GAREM2: variants seen among roughly 807,000 people sequenced by gnomAD.
The protein encoded by GAREM2 is GRB2-associated and regulator of MAPK protein 2.
In GAREM2, 30 loss-of-function variants were observed where a neutral mutation model predicts 55.6. The ratio of observed to expected loss-of-function variants is 0.54; its 90% CI spans 0.40 to 0.73. The LOEUF (loss-of-function observed/expected upper bound fraction) is 0.73, where lower values mean the gene tolerates loss of function less well. GAREM2 is among the 30% of genes least tolerant of loss of function. GAREM2 has a pLI of 0.00. For missense variants in GAREM2, 1,075 were observed against 1,257.7 expected, an observed-to-expected ratio of 0.85 and a Z score of 2.20; for synonymous variants, 550 against 569.1, an observed-to-expected ratio of 0.97 and a Z score of 0.48.
chr2:26,187,930 G>GGC lies in GAREM2; in HGVS notation c.2300_2301dup (p.Gly768ArgfsTer7), dbSNP rs1449369329. The GGC allele has an allele frequency of 6.9e-7, 1 of 1,451,762 alleles. No individual in the cohort carries two copies. The highest frequency in any genetic ancestry group is 9.1e-7 in the Non-Finnish European group (1 of 1,098,000). The allele number at this position is 1,451,762 out of a possible 1,614,324, so 89.9% of individuals were successfully genotyped here. ...CACCAGCTGCTCTGCAGGGACCCGA[G>GGC]GCGGGAGGAGCACTTTTTCTAACCC... On this transcript the variant is annotated frameshift_variant, in exon 6 of 6. Transcript: ENST00000401533. LOFTEE classifies it high-confidence loss of function.
downstream of GAREM2, chr2:26,193,707 G>T: frequency 6.2e-7 from 1 of 1,614,070 alleles, no homozygotes; most frequent in Non-Finnish European, 8.5e-7. Flanking sequence ...CCACCAGTGT[G>T]GCGGCACCCA....
chr2:26,176,104 C>T (rs1668856419), intron 1 of GAREM2, among the ~76,000 whole-genome samples: 1 of 152,188 alleles, frequency 6.6e-6, no homozygotes, highest in Non-Finnish European at 1.5e-5. Context: ...ATTCCAGCCA[C>T]TGATGAACGA....
At chr2:26,182,524 C>G (rs973957330) in intron 2 of GAREM2, 10 of 1,533,228 alleles carry the variant, frequency 6.5e-6, no homozygotes, top group Non-Finnish European at 8.8e-6. Context: ...TCCCTACCCC[C>G]TCAGATGAGG....
the GAREM2 span, chr2:26,194,696 ACT>A: frequency 1.9e-6 from 2 of 1,076,104 alleles, no homozygotes; most frequent in African/African-American, 1.5e-5. Flanking sequence ...AGTCTGAAAC[ACT>A]CTACCTTTCC....
At chr2:26,192,734 CA>C (rs965732861), downstream of GAREM2, among the ~76,000 whole-genome samples, 2 of 148,524 alleles carry the variant, frequency 1.3e-5, no homozygotes, top group Admixed American at 1.3e-4. Flanking sequence ...GACTCTGTCT[CA>C]AAAAAAAACA....
chr2:26,202,826 G>A, the GAREM2 span, among the ~76,000 whole-genome samples: 1 of 152,226 alleles, frequency 6.6e-6, no homozygotes, highest in African/African-American at 2.4e-5. Flanking sequence ...CAGCAAACAA[G>A]ATACTTGTCA....
chr2:26,195,398 G>A, the GAREM2 span, among the ~76,000 whole-genome samples: 1 of 152,042 alleles, frequency 6.6e-6, no homozygotes, highest in Non-Finnish European at 1.5e-5. Context: ...TAAAAGTTTA[G>A]TATGTTTAGG....
At position 26,184,895 on chromosome 2, in the gene GAREM2, C is replaced by A; in HGVS notation, c.1047C>A (p.Arg349=). 1 of 1,455,626 alleles carries A rather than the reference C, an allele frequency of 6.9e-7. No homozygotes were observed. Among genetic ancestry groups the A allele is most frequent in the Non-Finnish European group, 9.0e-7 (1 of 1,113,310 alleles). 90.2% of individuals were successfully genotyped at this position (1,455,626 alleles called of 1,614,324 possible). The change falls in exon 4 of 6, where the codon CGC becomes CGA. Residue 349 remains arginine, a synonymous_variant. Coordinates refer to ENST00000401533, the MANE Select transcript of GAREM2 (RefSeq NM_001168241.2). ...TGCGCGACAGCGCCTCCTACTGCCG[C>A]GAGCGCTTCGACCCCGACGAGTACT... ...RLVRDSASYC[R]ERFDPDEYST... is the part of the protein sequence containing the mutation.
downstream of GAREM2, among the ~76,000 whole-genome samples, chr2:26,193,978 C>T (rs921611219): frequency 6.6e-6 from 1 of 152,232 alleles, no homozygotes; most frequent in Non-Finnish European, 1.5e-5. Flanking sequence ...CTCTAATCTA[C>T]AGCACTTTAA....
intron 5 of GAREM2, 136 bp downstream of exon 5, chr2:26,186,494 A>C (rs1463887895): frequency 4.9e-6 from 4 of 813,248 alleles, no homozygotes; most frequent in Non-Finnish European, 5.8e-6. Flanking sequence ...CTCCCTGTGC[A>C]GTGGCTCAGG....
chr2:26,191,602 C>T (rs1204190984), downstream of GAREM2: 21 of 1,613,914 alleles, frequency 1.3e-5, no homozygotes, highest in African/African-American at 4.0e-5. Flanking sequence ...TGTCACCAGG[C>T]GGAACTGGAT....
chr2:26,194,712 G>C, the GAREM2 span: 1 of 949,522 alleles, frequency 1.1e-6, no homozygotes, highest in South Asian at 1.3e-5. Context: ...CCTTTCCCAG[G>C]GTCACTTCAA....
intron 5 of GAREM2, among the ~76,000 whole-genome samples, 193 bp from the exon 6 acceptor site, chr2:26,187,036 CTG>C (rs1240272989): frequency 6.6e-6 from 1 of 152,212 alleles, no homozygotes; most frequent in Non-Finnish European, 1.5e-5. Flanking sequence ...CATTTTTCCC[CTG>C]TGTTTTCTGA....
chr2:26,197,716 G>C, the GAREM2 span: 1 of 1,534,052 alleles, frequency 6.5e-7, no homozygotes, highest in Non-Finnish European at 9.0e-7. Context: ...GCTGACAGCA[G>C]CGATTTCACT....
At chr2:26,177,173 C>T (rs960623745) in intron 2 of GAREM2, among the ~76,000 whole-genome samples, 12 of 152,074 alleles carry the variant, frequency 7.9e-5, no homozygotes, top group African/African-American at 2.4e-4. Context: ...TGACTTGCCC[C>T]GTGTCACACA....
At chr2:26,198,739 C>A in the GAREM2 span, among the ~76,000 whole-genome samples, 4 of 151,520 alleles carry the variant, frequency 2.6e-5, no homozygotes, top group South Asian at 8.3e-4. Context: ...TGATAAAGAT[C>A]CCATGATTTT....
chr2:26,184,593 G>A lies in GAREM2; in HGVS notation c.745G>A (p.Glu249Lys). The A allele has an allele frequency of 6.5e-7, 1 of 1,548,564 alleles. No homozygotes were observed. Among genetic ancestry groups the A allele is most frequent in the South Asian group, 1.2e-5 (1 of 83,930 alleles). The change falls in exon 4 of 6, where the codon GAG becomes AAG. Residue 249 changes from glutamate (E) to lysine (K), a missense_variant. By Grantham distance (56) the Glu-to-Lys change is moderately conservative. Coordinates refer to ENST00000401533, the MANE Select transcript of GAREM2 (RefSeq NM_001168241.2). ...TRSPLELQMQEGEHTVRAIIE... is the reference protein window; with the variant it reads ...TRSPLELQMQKGEHTVRAIIE... Reference sequence around the variant, plus strand: ...CAGCCCGCTGGAGCTGCAGATGCAAGAGGGCGAGCACACGGTGCGCGCCAT... The same window carrying A: ...CAGCCCGCTGGAGCTGCAGATGCAAAAGGGCGAGCACACGGTGCGCGCCAT...
chr2:26,191,141 G>A (rs563326576), downstream of GAREM2: 266 of 1,115,792 alleles, frequency 2.4e-4, 1 homozygote, highest in African/African-American at 3.7e-3. Flanking sequence ...ACCCAGTGCC[G>A]GAGTTTGTCT....
downstream of GAREM2, among the ~76,000 whole-genome samples, chr2:26,192,895 A>T (rs887610025): frequency 2.0e-5 from 3 of 152,226 alleles, no homozygotes; most frequent in East Asian, 3.8e-4. Flanking sequence ...GAAGGAAAGA[A>T]GATCTTGTGA....
Sources: gnomAD v4.1 joint callset for allele counts (sites outside exome capture counted in the v4.1 genomes callset) on GRCh38, gnomAD v4.1.1 for gene constraint, MANE v1.5 for transcripts, NCBI Gene and HGNC (gene_info 2026-07-23, HGNC 2026-07-21) for gene names.